The following RAB3C variants were observed in gnomAD, a reference collection of about 807,000 sequenced individuals.
The protein encoded by RAB3C is ras-related protein Rab-3C.
In RAB3C, 17 loss-of-function variants were observed where a neutral mutation model predicts 26.4. The ratio of observed to expected loss-of-function variants is 0.64; its 90% CI spans 0.44 to 0.97. The LOEUF is 0.97. RAB3C is among the 50% of genes least tolerant of loss of function. The pLI is 0.00. For synonymous variants in RAB3C, 91 were observed against 95.9 expected, an observed-to-expected ratio of 0.95 and a Z score of 0.30; for missense variants, 242 against 281.9, an observed-to-expected ratio of 0.86 and a Z score of 1.01.
At chr5:58,690,500 G>A (rs989880899) in intron 2 of RAB3C, among the ~76,000 whole-genome samples, 4 of 152,168 alleles carry the variant, frequency 2.6e-5, no homozygotes, top group African/African-American at 9.7e-5. Flanking sequence ...TAGACAGCTA[G>A]TGTTGGCTGC....
At chr5:58,829,683 G>A (rs1266074147) in intron 4 of RAB3C, among the ~76,000 whole-genome samples, 1 of 152,112 alleles carries the variant, frequency 6.6e-6, no homozygotes, top group Non-Finnish European at 1.5e-5. Context: ...ACAAGTAACA[G>A]ATAATATTCC....
chr5:58,738,517 G>A (rs983810469), intron 3 of RAB3C, among the ~76,000 whole-genome samples: 3 of 147,918 alleles, frequency 2.0e-5, no homozygotes, highest in African/African-American at 7.4e-5. Flanking sequence ...TAAGAGAATA[G>A]AGAGAGACAC....
intron 3 of RAB3C, among the ~76,000 whole-genome samples, chr5:58,739,731 C>T (rs1006224386): frequency 2.6e-5 from 4 of 152,180 alleles, no homozygotes; most frequent in African/African-American, 7.2e-5. Context: ...AGTGTAAGTA[C>T]AAGAACTTAC....
In RAB3C at chr5:58,853,982, A is replaced by G. The variant is rs1384450089; in HGVS notation, c.*2631A>G. Reference sequence around the variant, plus strand: ...AGTGGGCTTTCATTGGCATTGAGCTATGTTACTTATAAATTATAACACTAT... The same window carrying G: ...AGTGGGCTTTCATTGGCATTGAGCTGTGTTACTTATAAATTATAACACTAT... On this transcript the variant is annotated 3_prime_UTR_variant, in exon 5 of 5. Transcript: ENST00000282878. 2.0e-5 allele frequency: 3 copies of G among 151,152 alleles called. No individual in the cohort carries two copies. The highest frequency in any genetic ancestry group is 7.3e-5 in the African/African-American group (3 of 41,218). 9.4% of individuals were successfully genotyped at this position (151,152 alleles called of 1,614,324 possible). A position where few individuals can be genotyped will look rare whatever the true frequency, so the allele number is the denominator to read the frequency against.
intron 2 of RAB3C, among the ~76,000 whole-genome samples, chr5:58,691,497 A>C (rs1261510582): frequency 2.1e-5 from 2 of 96,060 alleles, no homozygotes; most frequent in South Asian, 3.2e-4. Context: ...CAGCCAAAAC[A>C]CTTTTACATC....
chr5:58,593,438 G>T (rs1033665311), intron 1 of RAB3C, among the ~76,000 whole-genome samples: 4 of 152,068 alleles, frequency 2.6e-5, no homozygotes, highest in Admixed American at 2.0e-4. Flanking sequence ...TAACATTAGT[G>T]CTTTGATTAT....
chr5:58,764,472 A>G (rs928265129), intron 3 of RAB3C, among the ~76,000 whole-genome samples: 1 of 152,090 alleles, frequency 6.6e-6, no homozygotes, highest in African/African-American at 2.4e-5. Context: ...TTTCTTCAGA[A>G]TGAGTGGTTC....
chr5:58,824,097 T>C (rs549738845), intron 3 of RAB3C, among the ~76,000 whole-genome samples: 39 of 152,148 alleles, frequency 2.6e-4, no homozygotes, highest in African/African-American at 9.2e-4. Flanking sequence ...GGTGTATATG[T>C]GCCACATTTT....
intron 3 of RAB3C, among the ~76,000 whole-genome samples, chr5:58,735,381 C>G (rs1741110912): frequency 1.3e-5 from 2 of 152,272 alleles, no homozygotes; most frequent in South Asian, 2.1e-4. Context: ...TCAATTTTAG[C>G]AAGCAGGTGA....
At chr5:58,720,685 A>T (rs1323781035) in intron 2 of RAB3C, among the ~76,000 whole-genome samples, 1 of 151,864 alleles carries the variant, frequency 6.6e-6, no homozygotes, top group Non-Finnish European at 1.5e-5. Flanking sequence ...AACAATTAAC[A>T]TCAATGTGTT....
chr5:58,628,554 C>G (rs778255048), intron 2 of RAB3C, among the ~76,000 whole-genome samples: 1 of 152,176 alleles, frequency 6.6e-6, no homozygotes, highest in Non-Finnish European at 1.5e-5. Context: ...CCACAGATGC[C>G]TTGGACCTCT....
intron 2 of RAB3C, among the ~76,000 whole-genome samples, chr5:58,712,984 G>A (rs1749093871): frequency 1.3e-5 from 2 of 152,144 alleles, no homozygotes; most frequent in Non-Finnish European, 2.9e-5. Flanking sequence ...ATTCTGACAT[G>A]AAGGGATCAA....
chr5:58,646,862 C>T (rs559205558), intron 2 of RAB3C, among the ~76,000 whole-genome samples: 17 of 152,236 alleles, frequency 1.1e-4, no homozygotes, highest in African/African-American at 3.8e-4. Flanking sequence ...AATAATTCTC[C>T]TCAAGCTGCC....
At chr5:58,741,255 C>A (rs1399014149) in intron 3 of RAB3C, among the ~76,000 whole-genome samples, 4 of 152,194 alleles carry the variant, frequency 2.6e-5, no homozygotes, top group Non-Finnish European at 5.9e-5. Flanking sequence ...TTTCCCCAAG[C>A]TCTAGTGTCC....
chr5:58,599,653 A>G (rs1746406966), intron 1 of RAB3C, among the ~76,000 whole-genome samples: 1 of 151,942 alleles, frequency 6.6e-6, no homozygotes, highest in African/African-American at 2.4e-5. Context: ...TAGTAGGAAC[A>G]GTTTTCACAT....
intron 3 of RAB3C, among the ~76,000 whole-genome samples, chr5:58,744,062 G>C (rs1741339115): frequency 6.6e-6 from 1 of 152,198 alleles, no homozygotes; most frequent in East Asian, 1.9e-4. Context: ...ACATGGCATA[G>C]AGTCTGTGTA....
At chr5:58,593,513 A>G (rs975161969) in intron 1 of RAB3C, among the ~76,000 whole-genome samples, 5 of 152,272 alleles carry the variant, frequency 3.3e-5, no homozygotes, top group East Asian at 1.9e-4. Context: ...TTACATTTCT[A>G]TTGAGCATTG....
chr5:58,691,392 G>A (rs1030684399), intron 2 of RAB3C, among the ~76,000 whole-genome samples: 2 of 152,084 alleles, frequency 1.3e-5, no homozygotes, highest in Non-Finnish European at 2.9e-5. Context: ...ATAAATATTG[G>A]TTTAATTAAC....
At chr5:58,808,209 A>T (rs1218903000) in intron 3 of RAB3C, among the ~76,000 whole-genome samples, 1 of 147,440 alleles carries the variant, frequency 6.8e-6, no homozygotes, top group East Asian at 2.0e-4. Context: ...TGGGTGACAG[A>T]GCAAGACTCC....
Sources: gnomAD v4.1 joint callset for allele counts (sites outside exome capture counted in the v4.1 genomes callset) on GRCh38, gnomAD v4.1.1 for gene constraint, MANE v1.5 for transcripts, NCBI Gene and HGNC (gene_info 2026-07-23, HGNC 2026-07-21) for gene names.